The following ST14 variants were observed in gnomAD, a reference collection of about 807,000 sequenced individuals.
ST14 encodes ST14 transmembrane serine protease matriptase, also known as suppressor of tumorigenicity 14 protein.
Under a neutral mutation model 96.5 loss-of-function variants are expected in ST14, and 40 were observed. The observed-to-expected ratio is 0.41, with a 90% CI of 0.32 to 0.54. The LOEUF is 0.54. Ranked by LOEUF, ST14 falls within the 20% of genes least tolerant of loss-of-function variation. The probability of loss-of-function intolerance (pLI) is 0.17; values close to 1 mark genes in which losing one functional copy is unlikely to be tolerated. For missense variants in ST14, 1,066 were observed against 1,188.9 expected (o/e 0.90, Z 1.52); for synonymous variants, 506 against 492.1 (o/e 1.03, Z -0.37).
Position 130,190,180 on chromosome 11 carries a change from G to A in ST14, c.634+32G>A, listed in dbSNP as rs777738793. On this transcript the variant is annotated intron_variant, in intron 6 of 18. Transcript: ENST00000278742. Reference sequence around the variant, plus strand: ...ATCGTGCCCGCCTCCTCTTCTGGGTGGGGAAGAGGCGGGATGTGGCCAGAT... The same window carrying A: ...ATCGTGCCCGCCTCCTCTTCTGGGTAGGGAAGAGGCGGGATGTGGCCAGAT... 29 of 1,613,964 alleles carry A rather than the reference G, an allele frequency of 1.8e-5. 1 individual carries two copies. In the South Asian group the frequency reaches 3.2e-4, roughly 18 times the overall value.
At chr11:130,160,216 G>T (rs973941291) in intron 1 of ST14, among the ~76,000 whole-genome samples, 156 bp downstream of exon 1, 1 of 151,958 alleles carries the variant, frequency 6.6e-6, no homozygotes, top group African/African-American at 2.4e-5. Flanking sequence ...GCCGGGCCGC[G>T]GGCGGGCGGG....
In ST14 at chr11:130,188,332, C is replaced by A; in HGVS notation, c.241+59C>A. 6.3e-7 allele frequency: 1 copy of A among 1,590,954 alleles called. No individual in the cohort carries two copies. The stretch of plus-strand genomic sequence containing the variant: ...GACAAGGGGTGGCTGTCCCTCTTCC[C>A]TCAGCGGACAGACCCAGGGCCACCT... On this transcript the variant is annotated intron_variant, in intron 2 of 18. Transcript: ENST00000278742. This position sits in a 1 kb window ranked among gnomAD's most constrained non-coding sequence, Gnocchi z 5.4.
intron 1 of ST14, among the ~76,000 whole-genome samples, chr11:130,173,694 G>C (rs1455915963): frequency 6.6e-6 from 1 of 152,180 alleles, no homozygotes; most frequent in Non-Finnish European, 1.5e-5. Context: ...CGACCTGGCA[G>C]GTCTTTCCAG....
In ST14 at chr11:130,188,413, A is replaced by AGTGATGGGG. The variant is rs1953259830; in HGVS notation, c.242-117_242-116insGTGATGGGG. 1 of 1,591,344 alleles carries AGTGATGGGG rather than the reference A, an allele frequency of 6.3e-7. No individual in the cohort carries two copies. On this transcript the variant is annotated intron_variant, in intron 2 of 18. Coordinates refer to ENST00000278742, the MANE Select transcript of ST14 (RefSeq NM_021978.4). The surrounding 1 kb of genome is among the most constrained non-coding windows in gnomAD (Gnocchi z 5.4). ...TGGAACCCTGATGGGGAGTGATGGG[A>AGTGATGGGG]AGCAGTCAGGGCTGACCCATGGCCC... is the stretch of plus-strand genomic sequence containing the variant.
chr11:130,198,539 T>A lies in ST14; in HGVS notation c.1602T>A (p.Asn534Lys). 6.2e-7 allele frequency: 1 copy of A among 1,613,954 alleles called. No individual in the cohort carries two copies. Among genetic ancestry groups the A allele is most frequent in the Non-Finnish European group, 8.5e-7 (1 of 1,179,978 alleles). Residue 534 changes from asparagine (N) to lysine (K), a missense_variant, in exon 14 of 19, where the codon AAT becomes AAA. Transcript: ENST00000278742. ...SCPAQTFRCS[N>K]GKCLSKSQQC... is the part of the protein sequence containing the mutation. ...CGGCCCAGACCTTCAGGTGTTCCAATGGGAAGTGCCTCTCGAAAAGCCAGC... is the reference window on the plus strand; with the variant it reads ...CGGCCCAGACCTTCAGGTGTTCCAAAGGGAAGTGCCTCTCGAAAAGCCAGC...
At chr11:130,201,978 T>C (rs541571825) in intron 16 of ST14, among the ~76,000 whole-genome samples, 2 of 152,214 alleles carry the variant, frequency 1.3e-5, no homozygotes, top group South Asian at 4.1e-4. Context: ...CCAGGTACAA[T>C]AGGCTCATCT....
chr11:130,194,683 C>T lies in ST14; in HGVS notation c.1059C>T (p.Ser353=). Reference sequence around the variant, plus strand: ...GTAAAGCCCAGGGGACATTCAACAGCCCCTACTACCCAGGCCACTACCCAC... The same window carrying T: ...GTAAAGCCCAGGGGACATTCAACAGTCCCTACTACCCAGGCCACTACCCAC... ...RLRKAQGTFN[S]PYYPGHYPPN... Residue 353 remains serine (S), a synonymous_variant, in exon 9 of 19, where the codon AGC becomes AGT. Coordinates refer to ENST00000278742, the MANE Select transcript of ST14 (RefSeq NM_021978.4). The T allele has an allele frequency of 1.2e-6, 2 of 1,614,188 alleles. No homozygotes were observed. Among genetic ancestry groups the T allele is most frequent in the Non-Finnish European group, 8.5e-7 (1 of 1,180,028 alleles).
At chr11:130,205,738 G>A (rs1019306192) in intron 16 of ST14, among the ~76,000 whole-genome samples, 1 of 111,156 alleles carries the variant, frequency 9.0e-6, no homozygotes, top group Non-Finnish European at 1.7e-5. Flanking sequence ...GCACTCTTTC[G>A]CCCAGTCTGG....
intron 7 of ST14, among the ~76,000 whole-genome samples, chr11:130,193,061 T>C (rs1007610954): frequency 6.6e-6 from 1 of 151,976 alleles, no homozygotes; most frequent in Non-Finnish European, 1.5e-5. Context: ...AGGAAGATTA[T>C]GAGTTAATAG....
chr11:130,194,875 T>TATGTGTGTGTGTGC (rs1953344468), intron 9 of ST14, 138 bp downstream of exon 9: 3 of 792,638 alleles, frequency 3.8e-6, no homozygotes, highest in Admixed American at 2.1e-5. Flanking sequence ...TGTGTGTGTG[T>TATGTGTGTGTGTGC]GCGTATGTGT....
Position 130,179,931 on chromosome 11 carries a change from G to A in ST14, c.82-8183G>A, listed in dbSNP as rs115212392. 3.3e-3 allele frequency among the ~76,000 whole-genome samples: 508 copies of A among 152,256 alleles called. 3 individuals are homozygous for A. The highest frequency in any genetic ancestry group is 0.012 in the African/African-American group (481 of 41,550). ...TTCCCTTGCAAAGGAAGGCATCTTC[G>A]ACCTGCCACAGAATGCTTTCTTCCC... is the stretch of plus-strand genomic sequence containing the variant. On this transcript the variant is annotated intron_variant, in intron 1 of 18. Transcript: ENST00000278742.
intron 1 of ST14, among the ~76,000 whole-genome samples, chr11:130,168,750 C>G (rs1005488282): frequency 6.6e-6 from 1 of 152,184 alleles, no homozygotes; most frequent in Non-Finnish European, 1.5e-5. Context: ...CACAGACTTC[C>G]TGGTGCCCTC....
In ST14 at chr11:130,209,714, A is replaced by C; in HGVS notation, c.2459A>C (p.Gln820Pro). The stretch of plus-strand genomic sequence containing the variant: ...GTGGAGGCGGATGGGCGGATCTTCC[A>C]GGCCGGTGTGGTGAGCTGGGGAGAC... ...SSVEADGRIF[Q>P]AGVVSWGDGC... Residue 820 changes from glutamine (Q) to proline (P), a missense_variant, in exon 19 of 19, where the codon CAG becomes CCG. Physicochemically the swap from Gln to Pro is moderately conservative, Grantham distance 76. Transcript: ENST00000278742. The C allele has an allele frequency of 6.2e-7, 1 of 1,613,876 alleles. No individual in the cohort carries two copies. Among genetic ancestry groups the C allele is most frequent in the Non-Finnish European group, 8.5e-7 (1 of 1,180,002 alleles).
chr11:130,173,657 G>A (rs1015653727), intron 1 of ST14, among the ~76,000 whole-genome samples: 2 of 151,870 alleles, frequency 1.3e-5, no homozygotes, highest in Non-Finnish European at 2.9e-5. Flanking sequence ...AACAGCACAA[G>A]TCTGTAGTGT....
At chr11:130,206,231 G>A (rs60475469) in intron 16 of ST14, among the ~76,000 whole-genome samples, 2,512 of 152,280 alleles carry the variant, frequency 0.016, 81 homozygotes, top group African/African-American at 0.057. Context: ...GAAGCAGTGC[G>A]CGGGCGGTGC....
At chr11:130,190,031 A>G in intron 5 of ST14, 82 bp from the exon 6 acceptor site, 1 of 1,611,098 alleles carries the variant, frequency 6.2e-7, no homozygotes, top group African/African-American at 1.3e-5. Context: ...CTGGCCGGGC[A>G]CCTCCCTTTA....
chr11:130,188,540 G>C lies in ST14; in HGVS notation c.252G>C (p.Val84=), dbSNP rs769003668. The change falls in exon 3 of 19, where the codon GTG becomes GTC. Residue 84 remains valine, a synonymous_variant. Coordinates refer to ENST00000278742, the MANE Select transcript of ST14 (RefSeq NM_021978.4). This position sits in a 1 kb window ranked among gnomAD's most constrained non-coding sequence, Gnocchi z 5.4. ...TCTGGTCTCACACAGACCGGGACGT[G>C]CGTGTCCAGAAGGTCTTCAATGGCT... is the stretch of plus-strand genomic sequence containing the variant. The part of the protein sequence containing the change: ...FLVWHLQYRD[V]RVQKVFNGYM... The C allele has an allele frequency of 6.2e-7, 1 of 1,614,102 alleles. No individual in the cohort carries two copies. Among genetic ancestry groups the C allele is most frequent in the South Asian group, 1.1e-5 (1 of 91,086 alleles).
In ST14 at chr11:130,175,219, T is replaced by C. The variant is rs80305395; in HGVS notation, c.82-12895T>C. On this transcript the variant is annotated intron_variant, in intron 1 of 18. Coordinates refer to ENST00000278742, the MANE Select transcript of ST14 (RefSeq NM_021978.4). ...TTTTCAAGTCCGTCTCCAGATTTTG[T>C]TGGGTCTGAATATGGGTGGACAGAT... 4.2e-3 allele frequency among the ~76,000 whole-genome samples: 640 copies of C among 152,296 alleles called. 17 individuals carry two copies. The East Asian group carries it at 0.058, about 14-fold the overall frequency.
intron 16 of ST14, among the ~76,000 whole-genome samples, chr11:130,206,567 CT>C (rs57270082): frequency 0.012 from 1,686 of 143,170 alleles, 21 homozygotes; most frequent in Non-Finnish European, 0.019. Context: ...CTTTTCTTTT[CT>C]TTTTTTTTTT....
Sources: gnomAD v4.1 joint callset for allele counts (sites outside exome capture counted in the v4.1 genomes callset) on GRCh38, gnomAD v4.1.1 for gene constraint, Gnocchi (gnomAD v3.1) non-coding constraint, MANE v1.5 for transcripts, NCBI Gene and HGNC (gene_info 2026-07-23, HGNC 2026-07-21) for gene names.